TMEM114: variants seen among roughly 807,000 people sequenced by gnomAD.
The protein encoded by TMEM114 is claudin-26.
Under a neutral mutation model 6.2 loss-of-function variants are expected in TMEM114, and 6 were observed. The observed-to-expected ratio is 0.97, with a 90% confidence interval of 0.53 to 1.91. TMEM114 has a LOEUF of 1.91. TMEM114 is among the 40% of genes most tolerant of loss of function. The pLI is 0.01. For synonymous variants in TMEM114, 104 were observed against 73.0 expected, an observed-to-expected ratio of 1.42 and a Z score of -2.16; for missense variants, 218 against 158.3, an observed-to-expected ratio of 1.38 and a Z score of -2.02.
At chr16:8,577,947 C>T (rs878938074) in intron 2 of TMEM114, among the ~76,000 whole-genome samples, 2 of 152,124 alleles carry the variant, frequency 1.3e-5, no homozygotes, top group African/African-American at 4.8e-5. Context: ...CCTTTGGGTC[C>T]CCAGTGAGGG....
chr16:8,588,898 G>A (rs931003147), intron 2 of TMEM114, among the ~76,000 whole-genome samples: 1 of 152,190 alleles, frequency 6.6e-6, no homozygotes, highest in African/African-American at 2.4e-5. Flanking sequence ...CTAACTGCGC[G>A]TCTCCACATT....
chr16:8,580,187 T>C (rs1397845177), intron 2 of TMEM114, among the ~76,000 whole-genome samples: 3 of 151,934 alleles, frequency 2.0e-5, no homozygotes, highest in Admixed American at 2.0e-4. Context: ...ATAACATTCT[T>C]CTTAGAAAAA....
At chr16:8,549,030 G>T (rs890336757) in intron 2 of TMEM114, among the ~76,000 whole-genome samples, 6 of 151,706 alleles carry the variant, frequency 4.0e-5, no homozygotes, top group African/African-American at 1.5e-4. Context: ...AAAATACAAA[G>T]ATTTAGCCAG....
the TMEM114 span, among the ~76,000 whole-genome samples, chr16:8,530,069 C>G: frequency 6.6e-6 from 1 of 152,188 alleles, no homozygotes; most frequent in African/African-American, 2.4e-5. Context: ...TCCCAGTTGC[C>G]TTGAGATCAA....
At chr16:8,527,271 C>A in the TMEM114 span, among the ~76,000 whole-genome samples, 23 of 152,192 alleles carry the variant, frequency 1.5e-4, no homozygotes, top group Non-Finnish European at 2.4e-4. Context: ...CTTACAGCAA[C>A]TAAGCTCATG....
downstream of TMEM114, among the ~76,000 whole-genome samples, chr16:8,534,834 C>G (rs1900310861): frequency 6.6e-6 from 1 of 152,216 alleles, no homozygotes; most frequent in African/African-American, 2.4e-5. Context: ...TTGGGCAAAT[C>G]TGCTAAGATT....
intron 2 of TMEM114, among the ~76,000 whole-genome samples, chr16:8,561,657 G>C (rs1218425485): frequency 2.0e-5 from 3 of 152,216 alleles, no homozygotes; most frequent in Non-Finnish European, 2.9e-5. Context: ...GAGTGAATAA[G>C]TGAATGAATG....
chr16:8,559,593 A>T (rs891545491), intron 2 of TMEM114, among the ~76,000 whole-genome samples: 5 of 152,182 alleles, frequency 3.3e-5, no homozygotes, highest in African/African-American at 1.2e-4. Context: ...TGAATATTTT[A>T]TCAGTCATCA....
chr16:8,544,387 T>A (rs534758408), intron 2 of TMEM114, among the ~76,000 whole-genome samples: 1 of 152,308 alleles, frequency 6.6e-6, no homozygotes, highest in South Asian at 2.1e-4. Flanking sequence ...GGTCTCCTCA[T>A]TCAAGGAATG....
In TMEM114 at chr16:8,556,512, T is replaced by C. The variant is rs147020751; in HGVS notation, n.213-18686A>G. 5.3e-3 allele frequency among the ~76,000 whole-genome samples: 806 copies of C among 152,238 alleles called. 3 individuals carry two copies. The highest frequency in any genetic ancestry group is 0.018 in the African/African-American group (766 of 41,518). On this transcript the variant is annotated intron_variant and non_coding_transcript_variant, in intron 2 of 2. Coordinates refer to the TMEM114 transcript ENST00000623677. ...TTATTTGTCGTTGTTGTTGTTGTTG[T>C]TGTTTTGAGATGGAGTTTGGCTCTT...
chr16:8,589,507 A>G lies in TMEM114; in HGVS notation c.220+112T>C, dbSNP rs1013619650. ...TTCCCCCCGAGTCCCTAGACATTGT[A>G]TTTTAGGGACTTGGGGGAGGAGTGC... On this transcript the variant is annotated intron_variant, in intron 1 of 3. Coordinates refer to ENST00000620492, the MANE Select transcript of TMEM114 (RefSeq NM_001146336.2). The G allele has an allele frequency of 9.5e-5, 38 of 397,966 alleles. 1 individual carries two copies. The highest frequency in any genetic ancestry group is 1.4e-4 in the African/African-American group (7 of 48,568). 24.7% of individuals were successfully genotyped at this position (397,966 alleles called of 1,614,324 possible).
At chr16:8,537,498 C>G (rs1377328713), downstream of TMEM114, 1 of 152,070 alleles carries the variant, frequency 6.6e-6, no homozygotes, top group Non-Finnish European at 1.5e-5. Context: ...GAGACTCCAT[C>G]TCAAAAACAA....
chr16:8,569,837 C>G lies in TMEM114; in HGVS notation c.608G>C (p.Gly203Ala). The G allele has an allele frequency of 6.4e-7, 1 of 1,551,020 alleles. No homozygotes were observed. The highest frequency in any genetic ancestry group is 8.7e-7 in the Non-Finnish European group (1 of 1,146,946). ...GCGGGCTGCTGCCAGGAAGGCTGCC[C>G]CGGTGAGCAGCTCGGCGATGAAGCT... is the stretch of plus-strand genomic sequence containing the variant. ...WISFIAELLTGAAFLAAAREL... is the reference protein window; with the variant it reads ...WISFIAELLTAAAFLAAAREL... Residue 203 changes from glycine (G) to alanine (A), a missense_variant, in exon 4 of 4, where the codon GGG becomes GCG. Physicochemically the swap from Gly to Ala is moderately conservative, Grantham distance 60 (BLOSUM62 0). Coordinates refer to ENST00000620492, the MANE Select transcript of TMEM114 (RefSeq NM_001146336.2).
chr16:8,544,219 G>A (rs992843049), intron 2 of TMEM114, among the ~76,000 whole-genome samples: 2 of 152,180 alleles, frequency 1.3e-5, no homozygotes, highest in Non-Finnish European at 2.9e-5. Context: ...GCCCTCTCAT[G>A]CTGGCTTTAT....
At chr16:8,549,555 G>T (rs965831910) in intron 2 of TMEM114, among the ~76,000 whole-genome samples, 2 of 150,984 alleles carry the variant, frequency 1.3e-5, no homozygotes, top group African/African-American at 4.9e-5. Flanking sequence ...TGTGAACTGA[G>T]AAAAATAAGA....
intron 2 of TMEM114, among the ~76,000 whole-genome samples, chr16:8,552,901 C>T (rs1900890071): frequency 6.6e-6 from 1 of 152,134 alleles, no homozygotes; most frequent in Non-Finnish European, 1.5e-5. Context: ...ATTCTGAAGT[C>T]GTCTTTGATC....
intron 2 of TMEM114, among the ~76,000 whole-genome samples, chr16:8,577,533 T>C (rs559967504): frequency 1.3e-5 from 2 of 152,306 alleles, no homozygotes; most frequent in East Asian, 3.9e-4. Context: ...CCTGCAGGGT[T>C]GTTTTCCTGA....
chr16:8,531,086 C>T, the TMEM114 span, among the ~76,000 whole-genome samples: 3 of 152,054 alleles, frequency 2.0e-5, no homozygotes, highest in South Asian at 6.2e-4. Flanking sequence ...AAAGGGAGGC[C>T]CATTGCAGCC....
chr16:8,536,578 G>C (rs1042072292), downstream of TMEM114, among the ~76,000 whole-genome samples: 2 of 152,130 alleles, frequency 1.3e-5, no homozygotes, highest in Admixed American at 6.5e-5. Flanking sequence ...AAATTAAAGT[G>C]GATTCAAAGA....
Sources: allele counts gnomAD v4.1 joint callset (sites outside exome capture counted in the v4.1 genomes callset), GRCh38; gene constraint gnomAD v4.1.1; transcripts MANE v1.5; gene names NCBI Gene and HGNC (gene_info 2026-07-23, HGNC 2026-07-21).